Variants in MGAM observed in about 807,000 individuals in gnomAD.
MGAM encodes the protein maltase-glucoamylase, also known as alpha-1,4-glucosidase.
MGAM carries 253 observed loss-of-function variants against 358.8 expected under a neutral mutation model. That is an observed-to-expected ratio of 0.71 (90% CI 0.64 to 0.78). MGAM has a LOEUF of 0.78. MGAM is among the 30% of genes least tolerant of loss of function. The pLI is 0.00. For synonymous variants in MGAM, 1,105 were observed against 1,227.1 expected (o/e 0.90, Z 2.08); for missense variants, 3,080 against 3,432.6 (o/e 0.90, Z 2.57).
At chr7:142,039,946 C>T (rs1274315835) in intron 19 of MGAM, among the ~76,000 whole-genome samples, 169 bp from the exon 20 acceptor site, 1 of 152,138 alleles carries the variant, frequency 6.6e-6, no homozygotes, top group African/African-American at 2.4e-5. Context: ...GGATTTCTCT[C>T]TGGGTTGCCA....
chr7:142,033,675 C>A (rs1554464709), intron 14 of MGAM, among the ~76,000 whole-genome samples: 1 of 152,092 alleles, frequency 6.6e-6, no homozygotes, highest in African/African-American at 2.4e-5. Flanking sequence ...AATAGAGAAG[C>A]ATGGTAGTCA....
intron 8 of MGAM, among the ~76,000 whole-genome samples, chr7:142,025,886 G>A (rs1237532907): frequency 2.0e-5 from 3 of 152,098 alleles, no homozygotes; most frequent in Admixed American, 6.6e-5. Context: ...AATCTAAGAC[G>A]ATTCTAATAG....
At chr7:142,061,660 C>A (rs1812215077) in intron 34 of MGAM, among the ~76,000 whole-genome samples, 1 of 152,158 alleles carries the variant, frequency 6.6e-6, no homozygotes, top group Admixed American at 6.5e-5. Flanking sequence ...TTAGCTCTTT[C>A]ACTCTTACAA....
chr7:142,081,048 A>T, intron 50 of MGAM, 103 bp downstream of exon 50: 1 of 1,021,570 alleles, frequency 9.8e-7, no homozygotes. Flanking sequence ...CACATTGTCC[A>T]CTTCCAGATC....
chr7:142,082,404 AT>A, intron 51 of MGAM, 70 bp from the exon 52 acceptor site: 1 of 1,321,260 alleles, frequency 7.6e-7, no homozygotes. Flanking sequence ...TAGCAAGCAT[AT>A]TTTTGTTGAG....
chr7:142,106,044 T>C lies in MGAM; in HGVS notation c.*153T>C. ...TGTTATATGTTTTTTGTGTGAACCC[T>C]AAAGGTTAAACCTTAGCCCTGTGGG... On this transcript the variant is annotated 3_prime_UTR_variant, in exon 71 of 71. Transcript: ENST00000475668. 1 of 630,886 alleles carries C rather than the reference T, an allele frequency of 1.6e-6. No homozygotes were observed. Among genetic ancestry groups the C allele is most frequent in the Non-Finnish European group, 2.7e-6 (1 of 365,726 alleles). The allele number at this position is 630,886 out of a possible 1,614,324, so 39.1% of individuals were successfully genotyped here. A position where few individuals can be genotyped will look rare whatever the true frequency, so the allele number is the denominator to read the frequency against.
chr7:142,000,756 A>G (rs1225211656), intron 1 of MGAM, among the ~76,000 whole-genome samples: 3 of 152,270 alleles, frequency 2.0e-5, no homozygotes, highest in African/African-American at 7.2e-5. Flanking sequence ...AAGTGTATTT[A>G]AGGGATGAAT....
chr7:142,045,238 T>A (rs542586018), intron 21 of MGAM, among the ~76,000 whole-genome samples: 30 of 31,940 alleles, frequency 9.4e-4, no homozygotes, highest in South Asian at 1.6e-3. Context: ...ATATTATATA[T>A]CATATAATAT....
In MGAM at chr7:142,005,474, C is replaced by CT. The variant is rs1805075916; in HGVS notation, c.-2-54dup. On this transcript the variant is annotated intron_variant, in intron 1 of 70. Transcript: ENST00000475668. The stretch of plus-strand genomic sequence containing the variant: ...TTGAGCTTTTCCATTAAAAATCTTA[C>CT]TAGTTATATAGTAAATCAAATTCAA... 3 of 1,262,570 alleles carry CT rather than the reference C, an allele frequency of 2.4e-6. No homozygotes were observed. In the South Asian group the frequency reaches 4.5e-5, roughly 19 times the overall value. 78.2% of individuals were successfully genotyped at this position (1,262,570 alleles called of 1,614,324 possible).
At chr7:142,036,079 G>A in intron 16 of MGAM, 90 bp from the exon 17 acceptor site, 3 of 973,528 alleles carry the variant, frequency 3.1e-6, no homozygotes, top group Non-Finnish European at 4.7e-6. Context: ...GGAGGTTTAA[G>A]CAAGGTTCAG....
At chr7:142,065,228 G>A (rs879170626) in intron 37 of MGAM, 107 bp from the exon 38 acceptor site, 4 of 1,453,894 alleles carry the variant, frequency 2.8e-6, no homozygotes, top group East Asian at 2.5e-5. Context: ...GTTCCCTCCA[G>A]TCACGCAGCA....
At chr7:142,041,949 CATAT>C (rs1294862791) in intron 21 of MGAM, among the ~76,000 whole-genome samples, 107 of 10,894 alleles carry the variant, frequency 9.8e-3, no homozygotes, top group South Asian at 0.02. Flanking sequence ...TATATATATA[CATAT>C]ATATAATATA....
Position 142,065,802 on chromosome 7 carries a change from T to C in MGAM, c.4741T>C (p.Ser1581Pro). 6.4e-7 allele frequency: 1 copy of C among 1,556,432 alleles called. No homozygotes were observed. The highest frequency in any genetic ancestry group is 8.8e-7 in the Non-Finnish European group (1 of 1,132,668). The change falls in exon 40 of 71, where the codon TCA (serine) becomes CCA (proline). Residue 1581 changes from serine (S) to proline (P), a missense_variant. Ser to Pro is a moderately conservative substitution (Grantham distance 74). Coordinates refer to ENST00000475668, the MANE Select transcript of MGAM (RefSeq NM_001365693.1). Reference sequence around the variant, plus strand: ...GCAGCTGGGGGCCTTTTACCCCTTCTCAAGAAACCACAATACCATTGGGAC... The same window carrying C: ...GCAGCTGGGGGCCTTTTACCCCTTCCCAAGAAACCACAATACCATTGGGAC... ...WMQLGAFYPF[S>P]RNHNTIGTRR... is the part of the protein sequence containing the mutation.
chr7:141,988,181 A>G (rs1803791032), intron 2 of MGAM, among the ~76,000 whole-genome samples: 1 of 152,026 alleles, frequency 6.6e-6, no homozygotes, highest in Non-Finnish European at 1.5e-5. Flanking sequence ...CCAGCTACTC[A>G]GGAGGCTGAG....
At chr7:141,990,134 T>A (rs2128969428) in intron 2 of MGAM, among the ~76,000 whole-genome samples, 1 of 152,294 alleles carries the variant, frequency 6.6e-6, no homozygotes, top group Non-Finnish European at 1.5e-5. Context: ...CTTTGGGGAA[T>A]GCACACCTAT....
At chr7:142,032,030 G>A (rs1421613913) in intron 13 of MGAM, among the ~76,000 whole-genome samples, 2 of 139,780 alleles carry the variant, frequency 1.4e-5, no homozygotes, top group African/African-American at 5.4e-5. Context: ...CCCAAGTCTA[G>A]CTCTTTTTTT....
At chr7:142,091,246 G>A (rs1815357123) in intron 57 of MGAM, among the ~76,000 whole-genome samples, 1 of 116,398 alleles carries the variant, frequency 8.6e-6, no homozygotes, top group African/African-American at 3.2e-5. Context: ...GCAAGACTCT[G>A]TCTCAAAAAA....
intron 21 of MGAM, 51 bp from the exon 22 acceptor site, chr7:142,047,734 G>C (rs1242776645): frequency 6.6e-7 from 1 of 1,524,392 alleles, no homozygotes. Context: ...CAGCTCGGCT[G>C]GCAAAATTCT....
At position 142,088,048 on chromosome 7, in the gene MGAM, GGC is replaced by G. The variant is rs1453635999; in HGVS notation, c.6810+1332_6810+1333del. Among the ~76,000 whole-genome samples the G allele has an allele frequency of 1.4e-5, 2 of 146,154 alleles. 1 individual carries two copies. The highest frequency in any genetic ancestry group is 3.1e-5 in the Non-Finnish European group (2 of 64,594). ...GCAAGTGGTGAGTCCTAGAGGGAAA[GGC>G]AGATATTAGACAGAACCACACAATC... On this transcript the variant is annotated intron_variant, in intron 57 of 70. Coordinates refer to ENST00000475668, the MANE Select transcript of MGAM (RefSeq NM_001365693.1).
Sources: gnomAD v4.1 joint callset for allele counts (sites outside exome capture counted in the v4.1 genomes callset) on GRCh38, gnomAD v4.1.1 for gene constraint, MANE v1.5 for transcripts, NCBI Gene and HGNC (gene_info 2026-07-23, HGNC 2026-07-21) for gene names.